The following DIO1 variants were observed in gnomAD, a reference collection of about 807,000 sequenced individuals.
DIO1 encodes the protein type I iodothyronine deiodinase.
DIO1 carries 17 observed loss-of-function variants against 25.9 expected under a neutral mutation model. The ratio of observed to expected loss-of-function variants is 0.66; its 90% CI spans 0.45 to 0.98. The LOEUF is 0.98. Among genes scored for constraint, DIO1 ranks in the 50% least tolerant of loss-of-function variants. The probability of loss-of-function intolerance (pLI) is 0.00; values close to 1 mark genes in which losing one functional copy is unlikely to be tolerated. For synonymous variants in DIO1, 115 were observed against 114.0 expected (o/e 1.01, Z -0.05); for missense variants, 270 against 310.4 (o/e 0.87, Z 0.98).
At chr1:53,906,067 G>A (rs758344350) in intron 2 of DIO1, 28 bp from the exon 3 acceptor site, 11 of 1,611,044 alleles carry the variant, frequency 6.8e-6, no homozygotes, top group Non-Finnish European at 8.5e-6. Context: ...GTGTCAATGG[G>A]ACTCGGTGCC....
intron 1 of DIO1, among the ~76,000 whole-genome samples, chr1:53,901,523 A>G (rs1478180690): frequency 6.6e-6 from 1 of 152,122 alleles, no homozygotes. Flanking sequence ...CTGCCGTCTC[A>G]ATGACTCCCA....
At position 53,910,028 on chromosome 1, in the gene DIO1, C is replaced by T. The variant is rs11206244; in HGVS notation, c.*29C>T. 0.34 allele frequency: 549,720 copies of T among 1,602,354 alleles called. 98,183 individuals carry two copies. Among genetic ancestry groups the T allele is most frequent in the Admixed American group, 0.52 (31,346 of 59,960 alleles). Reference sequence around the variant, plus strand: ...GGACAGATACCTCAATTCTAGGTGACCAACGGGAGGGCTTCTCAAGGCTTA... The same window carrying T: ...GGACAGATACCTCAATTCTAGGTGATCAACGGGAGGGCTTCTCAAGGCTTA... On this transcript the variant is annotated 3_prime_UTR_variant, in exon 4 of 4. Coordinates refer to ENST00000361921, the MANE Select transcript of DIO1 (RefSeq NM_000792.7).
intron 1 of DIO1, among the ~76,000 whole-genome samples, chr1:53,899,093 C>A (rs2100763683): frequency 6.6e-6 from 1 of 152,268 alleles, no homozygotes; most frequent in Admixed American, 6.5e-5. Flanking sequence ...CACACACACA[C>A]AATATACACA....
At position 53,906,080 on chromosome 1, in the gene DIO1, G is replaced by A. The variant is rs371590559; in HGVS notation, c.482-15G>A. The A allele has an allele frequency of 5.0e-6, 8 of 1,613,758 alleles. No homozygotes were observed. In the African/African-American group the frequency reaches 1.1e-4, roughly 22 times the overall value. ...CTGTGTCAATGGGACTCGGTGCCTGGCCTTTCTCTTGTAGATGGCTGGGCT... is the reference window on the plus strand; with the variant it reads ...CTGTGTCAATGGGACTCGGTGCCTGACCTTTCTCTTGTAGATGGCTGGGCT... On this transcript the variant is annotated splice_polypyrimidine_tract_variant and intron_variant, in intron 2 of 3. Coordinates refer to ENST00000361921, the MANE Select transcript of DIO1 (RefSeq NM_000792.7).
rs1376575511 is a variant in DIO1 at position 53,894,552 on chromosome 1, G to C, written c.337+5G>C. On this transcript the variant is annotated splice_donor_5th_base_variant and intron_variant, in intron 1 of 3. Coordinates refer to ENST00000361921, the MANE Select transcript of DIO1 (RefSeq NM_000792.7). This position sits in a 1 kb window ranked among gnomAD's most constrained non-coding sequence, Gnocchi z 4.9. Reference sequence around the variant, plus strand: ...ACATTTGGGAGTTTATGCAAGGTCAGGAGGCTGCCACACACTTGAGGGGTG... The same window carrying C: ...ACATTTGGGAGTTTATGCAAGGTCACGAGGCTGCCACACACTTGAGGGGTG... 6.2e-7 allele frequency: 1 copy of C among 1,609,672 alleles called. No homozygotes were observed. The highest frequency in any genetic ancestry group is 1.1e-5 in the South Asian group (1 of 90,626).
Position 53,910,185 on chromosome 1 carries a change from ATTG to A in DIO1, c.*189_*191del. 3 of 597,170 alleles carry A rather than the reference ATTG, an allele frequency of 5.0e-6. No homozygotes were observed. In the South Asian group the frequency reaches 5.9e-5, roughly 12 times the overall value. The allele number at this position is 597,170 out of a possible 1,614,324, so 37.0% of individuals were successfully genotyped here. On this transcript the variant is annotated 3_prime_UTR_variant, in exon 4 of 4. Transcript: ENST00000361921. ...AGGCCACAGCACCCAATCAAGACAA[ATTG>A]TTATTATCAGAAAATGAAGCAACAC...
intron 3 of DIO1, 129 bp downstream of exon 3, chr1:53,906,423 C>T (rs1651659136): frequency 2.6e-6 from 2 of 776,984 alleles, no homozygotes. Flanking sequence ...GCCATGTGAC[C>T]ATGGGCGAGT....
At chr1:53,900,309 TA>T (rs35510256) in intron 1 of DIO1, among the ~76,000 whole-genome samples, 1 of 152,050 alleles carries the variant, frequency 6.6e-6, no homozygotes, top group Non-Finnish European at 1.5e-5. Context: ...GGGGCATGAT[TA>T]AAAAAAATTC....
At chr1:53,901,520 C>G (rs575227040) in intron 1 of DIO1, among the ~76,000 whole-genome samples, 2 of 152,272 alleles carry the variant, frequency 1.3e-5, no homozygotes, top group East Asian at 3.9e-4. Context: ...ATTCTGCCGT[C>G]TCAATGACTC....
intron 3 of DIO1, among the ~76,000 whole-genome samples, chr1:53,908,355 C>G (rs1200452489): frequency 6.6e-6 from 1 of 152,190 alleles, no homozygotes; most frequent in Non-Finnish European, 1.5e-5. Context: ...GGGGTCAGCA[C>G]GCCTTTTCTG....
At chr1:53,905,237 C>T (rs1651594780) in intron 2 of DIO1, among the ~76,000 whole-genome samples, 1 of 147,902 alleles carries the variant, frequency 6.8e-6, no homozygotes, top group Non-Finnish European at 1.5e-5. Flanking sequence ...TGCAATAGCA[C>T]TCACATGGCT....
intron 3 of DIO1, among the ~76,000 whole-genome samples, chr1:53,907,337 T>A (rs1249026122): frequency 2.0e-5 from 3 of 152,124 alleles, no homozygotes; most frequent in African/African-American, 7.2e-5. Flanking sequence ...TTAAAGCTAT[T>A]GAAGGGATTT....
intron 1 of DIO1, among the ~76,000 whole-genome samples, chr1:53,895,257 T>C (rs550568237): frequency 6.6e-6 from 1 of 152,304 alleles, no homozygotes; most frequent in Admixed American, 6.5e-5. Flanking sequence ...ACCCCGTCTC[T>C]ACTAAAAATA....
At chr1:53,901,878 C>T (rs1651386140) in intron 1 of DIO1, among the ~76,000 whole-genome samples, 1 of 137,946 alleles carries the variant, frequency 7.2e-6, no homozygotes, top group South Asian at 2.3e-4. Context: ...GTCTGGGCAA[C>T]ATAACAAGAT....
intron 3 of DIO1, among the ~76,000 whole-genome samples, chr1:53,909,231 C>T (rs190743078): frequency 1.3e-4 from 19 of 151,422 alleles, no homozygotes; most frequent in Admixed American, 1.1e-3. Context: ...GCCTAGCCCA[C>T]GTGGCGAAAC....
At position 53,906,226 on chromosome 1, in the gene DIO1, A is replaced by G; in HGVS notation, c.613A>G (p.Ser205Gly). ...GGTGGTGGACACCATGCAGAACCAG[A>G]GCAGCCAGCTCTACGCAGCACTGCC... ...PVVVDTMQNQ[S>G]SQLYAALPER... Residue 205 changes from serine (S) to glycine (G), a missense_variant, in exon 3 of 4, where the codon AGC becomes GGC. By Grantham distance (56) the Ser-to-Gly change is moderately conservative. Coordinates refer to ENST00000361921, the MANE Select transcript of DIO1 (RefSeq NM_000792.7). 6.2e-7 allele frequency: 1 copy of G among 1,614,202 alleles called. No individual in the cohort carries two copies. The highest frequency in any genetic ancestry group is 2.2e-5 in the East Asian group (1 of 44,886).
rs141857038 is a variant in DIO1 at position 53,910,658 on chromosome 1, G to C, written c.*659G>C. On this transcript the variant is annotated 3_prime_UTR_variant, in exon 4 of 4. Coordinates refer to ENST00000361921, the MANE Select transcript of DIO1 (RefSeq NM_000792.7). ...GGTAACACATCCCTAATTTTACCAG[G>C]GAAGAGGAGAGTACTCACTTTACCA... The C allele has an allele frequency of 3.3e-3, 506 of 152,906 alleles. 2 individuals are homozygous for C. The highest frequency in any genetic ancestry group is 4.7e-3 in the Non-Finnish European group (322 of 68,524). 9.5% of individuals were successfully genotyped at this position (152,906 alleles called of 1,614,324 possible). A position where few individuals can be genotyped will look rare whatever the true frequency, so the allele number is the denominator to read the frequency against.
chr1:53,894,390 C>A lies in DIO1; in HGVS notation c.180C>A (p.Asn60Lys). 1 of 1,614,238 alleles carries A rather than the reference C, an allele frequency of 6.2e-7. No individual in the cohort carries two copies. Among genetic ancestry groups the A allele is most frequent in the Non-Finnish European group, 8.5e-7 (1 of 1,180,046 alleles). Residue 60 changes from asparagine to lysine, a missense_variant, in exon 1 of 4, where the codon AAC (asparagine) becomes AAA (lysine). Coordinates refer to ENST00000361921, the MANE Select transcript of DIO1 (RefSeq NM_000792.7). This position sits in a 1 kb window ranked among gnomAD's most constrained non-coding sequence, Gnocchi z 4.9. ...GGAACCCCCATTTCAGCCACGACAA[C>A]TGGATACCAACCTTTTTCAGCACCC... is the stretch of plus-strand genomic sequence containing the variant. ...MTRNPHFSHD[N>K]WIPTFFSTQY... is the part of the protein sequence containing the mutation.
chr1:53,897,350 C>G (rs1315745518), intron 1 of DIO1, among the ~76,000 whole-genome samples: 2 of 152,160 alleles, frequency 1.3e-5, no homozygotes, highest in Admixed American at 1.3e-4. Flanking sequence ...GTGGCATGCA[C>G]CTATAATCCC....
Sources: gnomAD v4.1 joint callset for allele counts (sites outside exome capture counted in the v4.1 genomes callset) on GRCh38, gnomAD v4.1.1 for gene constraint, Gnocchi (gnomAD v3.1) non-coding constraint, MANE v1.5 for transcripts, NCBI Gene and HGNC (gene_info 2026-07-23, HGNC 2026-07-21) for gene names.